Variants in HMCN2 observed in about 807,000 individuals in gnomAD.
HMCN2 encodes hemicentin-2.
Under a neutral mutation model 377.5 loss-of-function variants are expected in HMCN2, and 325 were observed. The observed-to-expected ratio is 0.86, with a 90% CI of 0.79 to 0.94. The LOEUF (loss-of-function observed/expected upper bound fraction) is 0.94, where lower values mean the gene tolerates loss of function less well. Among genes scored for constraint, HMCN2 ranks in the 40% least tolerant of loss-of-function variants. The pLI is 0.00. For synonymous variants in HMCN2, 2,007 were observed against 2,046.8 expected (o/e 0.98, Z 0.53); for missense variants, 4,543 against 4,725.3 (o/e 0.96, Z 1.13).
At chr9:130,300,427 C>T (rs781987626) in intron 8 of HMCN2, among the ~76,000 whole-genome samples, 15 of 152,214 alleles carry the variant, frequency 9.9e-5, no homozygotes, top group East Asian at 1.9e-4. Context: ...CACAATCATC[C>T]GAGTCACCAT....
intron 15 of HMCN2, among the ~76,000 whole-genome samples, chr9:130,318,701 C>T (rs943627123): frequency 2.0e-5 from 3 of 152,172 alleles, no homozygotes; most frequent in African/African-American, 7.2e-5. Flanking sequence ...GTTTCCAGGA[C>T]AGCCCTTGTT....
Position 130,326,508 on chromosome 9 carries a change from G to A in HMCN2, c.3193+538G>A, listed in dbSNP as rs912272943. Among the ~76,000 whole-genome samples the A allele has an allele frequency of 2.8e-3, 419 of 152,096 alleles. 2 individuals carry two copies. The highest frequency in any genetic ancestry group is 4.8e-3 in the Non-Finnish European group (325 of 67,986). On this transcript the variant is annotated intron_variant, in intron 21 of 97. Transcript: ENST00000683500. ...CATAGGGCTGGCGCTCAGTAAATAC[G>A]TCTGGGAGGAGTGAGCAAATGTATA... is the stretch of plus-strand genomic sequence containing the variant.
Position 130,348,666 on chromosome 9 carries a change from C to G in HMCN2, c.4146C>G (p.Asp1382Glu). The change falls in exon 27 of 98, where the codon GAC (aspartate) becomes GAG (glutamate). Residue 1382 changes from aspartate (D) to glutamate (E), a missense_variant. Asp to Glu is a conservative substitution (Grantham distance 45). Around this residue, in one of 5 missense-constraint regions of HMCN2, gnomAD observed 1,032 missense variants for 1,285.1 expected, o/e 0.80. Transcript: ENST00000683500. ...FPVPEIVWLK[D>E]AQLIPKVGGH... is the part of the protein sequence containing the mutation. ...TCCCTGAGATCGTGTGGCTGAAGGACGCGCAGCTGGTGGGTGTCCCCCTAG... is the reference window on the plus strand; with the variant it reads ...TCCCTGAGATCGTGTGGCTGAAGGAGGCGCAGCTGGTGGGTGTCCCCCTAG... 7.7e-7 allele frequency: 1 copy of G among 1,295,840 alleles called. No homozygotes were observed. The highest frequency in any genetic ancestry group is 1.2e-5 in the South Asian group (1 of 80,386). The allele number at this position is 1,295,840 out of a possible 1,614,324, so 80.3% of individuals were successfully genotyped here.
Position 130,369,666 on chromosome 9 carries a change from C to G in HMCN2, c.6884C>G (p.Pro2295Arg). Residue 2295 changes from proline (P) to arginine (R), a missense_variant, in exon 45 of 98, where the codon CCC (proline) becomes CGC (arginine). Transcript: ENST00000683500. This position sits in a 1 kb window ranked among gnomAD's most constrained non-coding sequence, Gnocchi z 4.5. ...CTGGAGTGCAACGCCACAGGGAAAC[C>G]CCCTCCGACAGTGACATGGGAGCGG... is the stretch of plus-strand genomic sequence containing the variant. Reference protein sequence around the residue: ...ATLECNATGKPPPTVTWERDG... With the variant: ...ATLECNATGKRPPTVTWERDG... 1 of 985,916 alleles carries G rather than the reference C, an allele frequency of 1.0e-6. No individual in the cohort carries two copies. Among genetic ancestry groups the G allele is most frequent in the Non-Finnish European group, 1.2e-6 (1 of 829,976 alleles). The allele number at this position is 985,916 out of a possible 1,614,324, so 61.1% of individuals were successfully genotyped here.
rs1468182571 is a variant in HMCN2, at chr9:130,355,778, G to A, written c.5179G>A (p.Gly1727Arg). ...ACAGCTCCTGGTGGCTGAAGGCTTG[G>A]GACAGGTGACCACCATCGTGGGACA... ...PPQLLVAEGL[G>R]QVTTIVGQPL... Residue 1727 changes from glycine to arginine, a missense_variant, in exon 33 of 98, where the codon GGA becomes AGA. Around this residue, in one of 5 missense-constraint regions of HMCN2, gnomAD observed 1,032 missense variants for 1,285.1 expected, o/e 0.80. Coordinates refer to ENST00000683500, the MANE Select transcript of HMCN2 (RefSeq NM_001291815.2). 2 of 1,303,682 alleles carry A rather than the reference G, an allele frequency of 1.5e-6. No individual in the cohort carries two copies. The highest frequency in any genetic ancestry group is 2.0e-6 in the Non-Finnish European group (2 of 988,924). The allele number at this position is 1,303,682 out of a possible 1,614,324, so 80.8% of individuals were successfully genotyped here.
Position 130,405,968 on chromosome 9 carries a change from G to T in HMCN2, c.12353G>T (p.Gly4118Val). Residue 4118 changes from glycine (G) to valine (V), a missense_variant, in exon 82 of 98, where the codon GGC becomes GTC. Transcript: ENST00000683500. ...LVKNLEGQDA[G>V]TYTCTAENAV... ...CTTTGCTCACAGGGCCAGGACGCAGGCACCTATACCTGTACCGCTGAGAAC... is the reference window on the plus strand; with the variant it reads ...CTTTGCTCACAGGGCCAGGACGCAGTCACCTATACCTGTACCGCTGAGAAC... 1 of 1,286,178 alleles carries T rather than the reference G, an allele frequency of 7.8e-7. No homozygotes were observed. The highest frequency in any genetic ancestry group is 1.0e-6 in the Non-Finnish European group (1 of 986,116). The allele number at this position is 1,286,178 out of a possible 1,614,324, so 79.7% of individuals were successfully genotyped here. A position where few individuals can be genotyped will look rare whatever the true frequency, so the allele number is the denominator to read the frequency against.
rs1419883636 is a variant in HMCN2, at chr9:130,379,446, G to A, written c.8410G>A (p.Asp2804Asn). Residue 2804 changes from aspartate to asparagine, a missense_variant, in exon 54 of 98, where the codon GAT (aspartate) becomes AAT (asparagine). Physicochemically the swap from Asp to Asn is conservative, Grantham distance 23 (BLOSUM62 1). This residue lies in a region of HMCN2 where 736 missense variants were observed against 773.2 expected (regional missense o/e 0.95). Coordinates refer to ENST00000683500, the MANE Select transcript of HMCN2 (RefSeq NM_001291815.2). ...YREDQPLSAG[D>N]EVSVLQGGRV... The stretch of plus-strand genomic sequence containing the variant: ...AGAGGATCAGCCCCTCTCGGCCGGG[G>A]ATGAGGTGTCTGTGCTGCAAGGTGG... 1.0e-6 allele frequency: 1 copy of A among 985,784 alleles called. No individual in the cohort carries two copies. The highest frequency in any genetic ancestry group is 1.2e-6 in the Non-Finnish European group (1 of 829,992). The allele number at this position is 985,784 out of a possible 1,614,324, so 61.1% of individuals were successfully genotyped here.
chr9:130,421,589 A>G (rs374505503), intron 86 of HMCN2, among the ~76,000 whole-genome samples: 9 of 151,762 alleles, frequency 5.9e-5, no homozygotes, highest in African/African-American at 1.9e-4. Flanking sequence ...CGCGGGTCAC[A>G]CTCCAGCCTT....
chr9:130,356,158 C>T lies in HMCN2; in HGVS notation c.5326C>T (p.His1776Tyr), dbSNP rs905792057. The T allele has an allele frequency of 6.9e-6, 9 of 1,302,800 alleles. No individual in the cohort carries two copies. In the East Asian group the frequency reaches 3.3e-4, roughly 48 times the overall value. The allele number at this position is 1,302,800 out of a possible 1,614,324, so 80.7% of individuals were successfully genotyped here. The change falls in exon 34 of 98, where the codon CAC (histidine) becomes TAC (tyrosine). Residue 1776 changes from histidine to tyrosine, a missense_variant. Physicochemically the swap from His to Tyr is moderately conservative, Grantham distance 83. Coordinates refer to ENST00000683500, the MANE Select transcript of HMCN2 (RefSeq NM_001291815.2). ...VQVASQGTTL[H>Y]IDHVELDHSG... ...GGTGGCCTCGCAGGGGACCACACTG[C>T]ACATTGACCATGTGGAGCTGGACCA...
chr9:130,327,920 G>A (rs965411891), intron 22 of HMCN2, among the ~76,000 whole-genome samples: 8 of 152,200 alleles, frequency 5.3e-5, no homozygotes, highest in Non-Finnish European at 7.4e-5. Context: ...TGACTCAGCT[G>A]CTCCCGGTCC....
chr9:130,358,269 C>A, intron 35 of HMCN2, 121 bp from the exon 36 acceptor site: 1 of 1,175,320 alleles, frequency 8.5e-7, no homozygotes, highest in Non-Finnish European at 1.1e-6. Context: ...ACCTCCAGAG[C>A]CAAAAGTGTC....
Position 130,418,985 on chromosome 9 carries a change from G to A in HMCN2, c.13175G>A (p.Cys4392Tyr), listed in dbSNP as rs183178938. 70 of 1,510,970 alleles carry A rather than the reference G, an allele frequency of 4.6e-5. 1 individual carries two copies. In the Admixed American group the frequency reaches 9.6e-4, roughly 21 times the overall value. The allele number at this position is 1,510,970 out of a possible 1,614,324, so 93.6% of individuals were successfully genotyped here. A position where few individuals can be genotyped will look rare whatever the true frequency, so the allele number is the denominator to read the frequency against. Residue 4392 changes from cysteine to tyrosine, a missense_variant, in exon 86 of 98, where the codon TGC becomes TAC. Cys to Tyr is a radical substitution (Grantham distance 194, BLOSUM62 -2). Around this residue, in one of 5 missense-constraint regions of HMCN2, gnomAD observed 1,155 missense variants for 1,157.7 expected, o/e 1.00. Transcript: ENST00000683500. ...ACTGGGGATGCAGGCACCTACGACTGCGTCGCTCACAACCTCCTGGGCTCT... is the reference window on the plus strand; with the variant it reads ...ACTGGGGATGCAGGCACCTACGACTACGTCGCTCACAACCTCCTGGGCTCT... ...VETGDAGTYD[C>Y]VAHNLLGSAT...
At chr9:130,277,961 C>G in intron 1 of HMCN2, among the ~76,000 whole-genome samples, 1 of 114,188 alleles carries the variant, frequency 8.8e-6, no homozygotes, top group Non-Finnish European at 1.8e-5. Flanking sequence ...ATCACCACCA[C>G]CACCACCATC....
chr9:130,396,282 G>A lies in HMCN2; in HGVS notation c.11167G>A (p.Asp3723Asn). The A allele has an allele frequency of 7.8e-7, 1 of 1,282,186 alleles. No homozygotes were observed. 79.4% of individuals were successfully genotyped at this position (1,282,186 alleles called of 1,614,324 possible). A position where few individuals can be genotyped will look rare whatever the true frequency, so the allele number is the denominator to read the frequency against. Reference sequence around the variant, plus strand: ...CGCACCCCTCGTGAGCTGGCGGAAGGACAGGGTCCCCCTGGATCCCAGGAG... The same window carrying A: ...CGCACCCCTCGTGAGCTGGCGGAAGAACAGGGTCCCCCTGGATCCCAGGAG... ...VPAPLVSWRK[D>N]RVPLDPRSPR... The change falls in exon 73 of 98, where the codon GAC becomes AAC. Residue 3723 changes from aspartate (D) to asparagine (N), a missense_variant. Physicochemically the swap from Asp to Asn is conservative, Grantham distance 23. This residue lies in a region of HMCN2 where 1,073 missense variants were observed against 1,319.5 expected (regional missense o/e 0.81). Transcript: ENST00000683500.
intron 3 of HMCN2, 46 bp from the exon 4 acceptor site, chr9:130,286,142 C>T (rs782550601): frequency 4.3e-6 from 2 of 467,896 alleles, no homozygotes; most frequent in South Asian, 3.1e-5. Context: ...ACCCCTGAAG[C>T]AGCCGGCCAG....
Position 130,294,948 on chromosome 9 carries a change from C to G in HMCN2, c.706C>G (p.Pro236Ala). Reference protein sequence around the residue: ...EEEGEHTWRLPFDPSLKEVTI... With the variant: ...EEEGEHTWRLAFDPSLKEVTI... ...GGAGGGGGAGCACACATGGAGACTC[C>G]CCTTTGACCCCAGCCTGAAGGAGGT... is the stretch of plus-strand genomic sequence containing the variant. The change falls in exon 5 of 98, where the codon CCC (proline) becomes GCC (alanine). Residue 236 changes from proline to alanine, a missense_variant. Pro to Ala is a conservative substitution (Grantham distance 27). This residue lies in a region of HMCN2 where 547 missense variants were observed against 189.9 expected (regional missense o/e 2.88). Transcript: ENST00000683500. 2.1e-6 allele frequency: 1 copy of G among 470,874 alleles called. No individual in the cohort carries two copies. Among genetic ancestry groups the G allele is most frequent in the Non-Finnish European group, 4.4e-6 (1 of 226,932 alleles). The allele number at this position is 470,874 out of a possible 1,614,324, so 29.2% of individuals were successfully genotyped here. A position where few individuals can be genotyped will look rare whatever the true frequency, so the allele number is the denominator to read the frequency against.
In HMCN2 at chr9:130,406,133, G is replaced by T. The variant is rs61742704; in HGVS notation, c.12518G>T (p.Arg4173Leu). 1.6e-6 allele frequency: 2 copies of T among 1,289,834 alleles called. No homozygotes were observed. Among genetic ancestry groups the T allele is most frequent in the Admixed American group, 2.3e-5 (1 of 43,568 alleles). The allele number at this position is 1,289,834 out of a possible 1,614,324, so 79.9% of individuals were successfully genotyped here. A position where few individuals can be genotyped will look rare whatever the true frequency, so the allele number is the denominator to read the frequency against. ...GCAGCCCGGGGCAGCCCCACCCCTC[G>T]CATTGGCTGGACTGTCAACGACCGG... ...RCAARGSPTP[R>L]IGWTVNDRPV... Residue 4173 changes from arginine to leucine, a missense_variant, in exon 82 of 98, where the codon CGC becomes CTC. Transcript: ENST00000683500.
At chr9:130,363,292 G>A (rs910092772) in intron 40 of HMCN2, among the ~76,000 whole-genome samples, 2 of 152,194 alleles carry the variant, frequency 1.3e-5, no homozygotes, top group South Asian at 2.1e-4. Context: ...TAGGAAAGCC[G>A]GCTCTTGAGT....
Position 130,418,775 on chromosome 9 carries a change from C to G in HMCN2, c.12965C>G (p.Ala4322Gly). The G allele has an allele frequency of 7.0e-7, 1 of 1,431,160 alleles. No homozygotes were observed. The highest frequency in any genetic ancestry group is 1.6e-5 in the South Asian group (1 of 63,348). The allele number at this position is 1,431,160 out of a possible 1,614,324, so 88.7% of individuals were successfully genotyped here. A position where few individuals can be genotyped will look rare whatever the true frequency, so the allele number is the denominator to read the frequency against. The change falls in exon 86 of 98, where the codon GCT becomes GGT. Residue 4322 changes from alanine (A) to glycine (G), a missense_variant. Physicochemically the swap from Ala to Gly is moderately conservative, Grantham distance 60 (BLOSUM62 0). Around this residue, in one of 5 missense-constraint regions of HMCN2, gnomAD observed 1,155 missense variants for 1,157.7 expected, o/e 1.00. Coordinates refer to ENST00000683500, the MANE Select transcript of HMCN2 (RefSeq NM_001291815.2). The part of the protein sequence containing the change: ...KKVVILVLQS[A>G]PVFQVEPQDM... The stretch of plus-strand genomic sequence containing the variant: ...AAGCCACCTGGGCCTCCCACAGGTG[C>G]TCCGGTGTTCCAGGTGGAGCCCCAG...
Sources: gnomAD v4.1 joint callset for allele counts (sites outside exome capture counted in the v4.1 genomes callset) on GRCh38, gnomAD v4.1.1 for gene constraint, gnomAD v4.1.1 regional missense constraint, Gnocchi (gnomAD v3.1) non-coding constraint, MANE v1.5 for transcripts, NCBI Gene and HGNC (gene_info 2026-07-23, HGNC 2026-07-21) for gene names.